The following GRIK2 variants were observed in gnomAD, a reference collection of about 807,000 sequenced individuals.
The protein encoded by GRIK2 is glutamate receptor ionotropic, kainate 2.
Under a neutral mutation model 100.3 loss-of-function variants are expected in GRIK2, and 32 were observed. That is an observed-to-expected ratio of 0.32 (90% CI 0.24 to 0.43). The LOEUF (loss-of-function observed/expected upper bound fraction) is 0.43. Among genes scored for constraint, GRIK2 ranks in the 20% least tolerant of loss-of-function variants. GRIK2 has a pLI of 1.00. For missense variants in GRIK2, 843 were observed against 1,114.9 expected (o/e 0.76, Z 3.47); for synonymous variants, 417 against 389.4 (o/e 1.07, Z -0.83).
chr6:101,841,228 T>C (rs1264144685), intron 10 of GRIK2, among the ~76,000 whole-genome samples: 1 of 152,220 alleles, frequency 6.6e-6, no homozygotes, highest in African/African-American at 2.4e-5. Flanking sequence ...TTCTGATAGG[T>C]ATAAATATAT....
At chr6:101,504,763 T>C (rs552260357) in intron 2 of GRIK2, among the ~76,000 whole-genome samples, 1 of 152,168 alleles carries the variant, frequency 6.6e-6, no homozygotes, top group East Asian at 1.9e-4. Flanking sequence ...AAGGTAACTT[T>C]TTTTCTCTAG....
At position 101,490,759 on chromosome 6, in the gene GRIK2, A is replaced by T. The variant is rs759999762; in HGVS notation, c.115+91367A>T. 8.9e-5 allele frequency among the ~76,000 whole-genome samples: 13 copies of T among 146,770 alleles called. 2 individuals carry two copies. The highest frequency in any genetic ancestry group is 1.5e-4 in the Non-Finnish European group (10 of 66,730). The stretch of plus-strand genomic sequence containing the variant: ...CTTGTAACAAAGAAACCAATAGCAC[A>T]ACTCCAGCACAGTAGCCTTAGGAAA... On this transcript the variant is annotated intron_variant, in intron 2 of 16. Coordinates refer to ENST00000369134, the MANE Select transcript of GRIK2 (RefSeq NM_021956.5).
At chr6:101,863,780 ACT>A (rs906331820) in intron 11 of GRIK2, among the ~76,000 whole-genome samples, 2 of 152,020 alleles carry the variant, frequency 1.3e-5, no homozygotes, top group Non-Finnish European at 2.9e-5. Flanking sequence ...AAAGTTTCTT[ACT>A]CTGTCTTGAG....
chr6:101,427,351 A>G (rs774445369), intron 2 of GRIK2, among the ~76,000 whole-genome samples: 1 of 152,210 alleles, frequency 6.6e-6, no homozygotes, highest in Non-Finnish European at 1.5e-5. Context: ...TCTGTGGTTC[A>G]TCTAAATAAT....
At chr6:102,016,930 A>T (rs1769142847) in intron 14 of GRIK2, among the ~76,000 whole-genome samples, 1 of 152,196 alleles carries the variant, frequency 6.6e-6, no homozygotes, top group South Asian at 2.1e-4. Context: ...TGGACACCTC[A>T]GCAGAAACTC....
At chr6:101,396,651 A>G (rs1775021664) in intron 1 of GRIK2, among the ~76,000 whole-genome samples, 1 of 152,194 alleles carries the variant, frequency 6.6e-6, no homozygotes, top group African/African-American at 2.4e-5. Flanking sequence ...TACTCTGTGT[A>G]GTAGAAATTT....
intron 7 of GRIK2, among the ~76,000 whole-genome samples, chr6:101,714,141 T>C (rs771577506): frequency 7.0e-4 from 107 of 151,870 alleles, no homozygotes; most frequent in Middle Eastern, 6.8e-3. Flanking sequence ...AGAGGTAGGC[T>C]ACCAGAGTGC....
At chr6:101,848,341 C>T (rs1331032145) in intron 10 of GRIK2, among the ~76,000 whole-genome samples, 2 of 152,074 alleles carry the variant, frequency 1.3e-5, no homozygotes, top group African/African-American at 4.8e-5. Flanking sequence ...TCTATGGCTG[C>T]TTTCACACTA....
At chr6:101,982,017 T>G (rs1793741360) in intron 14 of GRIK2, among the ~76,000 whole-genome samples, 2 of 151,852 alleles carry the variant, frequency 1.3e-5, no homozygotes, top group Non-Finnish European at 2.9e-5. Context: ...ACAAACACTT[T>G]TTGAATAATT....
intron 2 of GRIK2, among the ~76,000 whole-genome samples, chr6:101,497,433 A>G (rs969833999): frequency 2.0e-5 from 3 of 152,194 alleles, no homozygotes; most frequent in African/African-American, 7.2e-5. Context: ...AATGAGTCAG[A>G]AATATATACA....
intron 12 of GRIK2, among the ~76,000 whole-genome samples, chr6:101,919,665 A>C (rs1562487364): frequency 6.6e-6 from 1 of 151,834 alleles, no homozygotes; most frequent in Non-Finnish European, 1.5e-5. Context: ...GAAGAAGGAA[A>C]GTTTTGAGAG....
intron 2 of GRIK2, among the ~76,000 whole-genome samples, chr6:101,440,618 C>T (rs1769991879): frequency 6.6e-6 from 1 of 152,218 alleles, no homozygotes; most frequent in South Asian, 2.1e-4. Context: ...ATAGAACCTG[C>T]ACCCATGCAG....
At chr6:101,527,764 G>C (rs574002278) in intron 2 of GRIK2, among the ~76,000 whole-genome samples, 1 of 152,132 alleles carries the variant, frequency 6.6e-6, no homozygotes, top group African/African-American at 2.4e-5. Context: ...GCACAACCCA[G>C]TAGAATTATC....
intron 12 of GRIK2, among the ~76,000 whole-genome samples, chr6:101,901,428 C>A (rs1431960064): frequency 6.6e-6 from 1 of 151,742 alleles, no homozygotes; most frequent in East Asian, 1.9e-4. Flanking sequence ...GAATTCATGG[C>A]AAACAATATT....
At chr6:101,792,996 G>A (rs1028171200) in intron 7 of GRIK2, among the ~76,000 whole-genome samples, 34 of 151,862 alleles carry the variant, frequency 2.2e-4, no homozygotes, top group Middle Eastern at 3.2e-3. Flanking sequence ...CCAGTTGATC[G>A]CATCGGCTCC....
chr6:101,567,156 T>C (rs890576296), intron 2 of GRIK2, among the ~76,000 whole-genome samples: 13 of 151,826 alleles, frequency 8.6e-5, no homozygotes, highest in African/African-American at 2.9e-4. Context: ...CTGTCCACTG[T>C]AGTAGGCACC....
At chr6:101,588,847 A>G (rs1778512612) in intron 2 of GRIK2, among the ~76,000 whole-genome samples, 1 of 152,138 alleles carries the variant, frequency 6.6e-6, no homozygotes, top group East Asian at 1.9e-4. Context: ...ATATATTTAA[A>G]AAAAGATCAT....
intron 2 of GRIK2, among the ~76,000 whole-genome samples, chr6:101,569,166 AG>A (rs1329341852): frequency 1.3e-5 from 2 of 152,096 alleles, no homozygotes; most frequent in Non-Finnish European, 2.9e-5. Flanking sequence ...TAACAAATAT[AG>A]GTTACATGAA....
intron 12 of GRIK2, among the ~76,000 whole-genome samples, chr6:101,912,589 G>A (rs962337412): frequency 6.6e-6 from 1 of 151,468 alleles, no homozygotes; most frequent in African/African-American, 2.4e-5. Context: ...CTGCTAACAG[G>A]GGTGGGTATT....
Sources: allele counts gnomAD v4.1 joint callset (sites outside exome capture counted in the v4.1 genomes callset), GRCh38; gene constraint gnomAD v4.1.1; transcripts MANE v1.5; gene names NCBI Gene and HGNC (gene_info 2026-07-23, HGNC 2026-07-21).